Variants in LYRM9 observed in about 807,000 individuals in gnomAD.
LYRM9 encodes the protein LYR motif containing 9, also known as LYR motif-containing protein 9.
LYRM9 carries 14 observed loss-of-function variants against 12.6 expected under a neutral mutation model. The observed-to-expected ratio is 1.11, with a 90% CI of 0.73 to 1.73. The LOEUF (loss-of-function observed/expected upper bound fraction) is 1.73. LYRM9 is among the 40% of genes most tolerant of loss of function. The pLI, the probability that LYRM9 is intolerant of heterozygous loss-of-function variation, is 0.00. For synonymous variants in LYRM9, 42 were observed against 35.1 expected, an observed-to-expected ratio of 1.20 and a Z score of -0.69; for missense variants, 94 against 95.0, an observed-to-expected ratio of 0.99 and a Z score of 0.04.
Position 27,893,343 on chromosome 17 carries a change from GA to G in LYRM9, c.-46del, listed in dbSNP as rs1482387386. 6.6e-6 allele frequency: 1 copy of G among 152,092 alleles called. No homozygotes were observed. The highest frequency in any genetic ancestry group is 1.5e-5 in the Non-Finnish European group (1 of 67,968). 9.4% of individuals were successfully genotyped at this position (152,092 alleles called of 1,614,324 possible). ...AGCCTCCAGGGGAACGCCAGCCCCG[GA>G]CGCCGCCGCGGCGACGAGTGCGCCT... is the stretch of plus-strand genomic sequence containing the variant. On this transcript the variant is annotated 5_prime_UTR_variant, in exon 1 of 4. Transcript: ENST00000379102.
chr17:27,887,445 G>A (rs961246885), intron 1 of LYRM9, among the ~76,000 whole-genome samples: 1 of 152,308 alleles, frequency 6.6e-6, no homozygotes, highest in African/African-American at 2.4e-5. Flanking sequence ...GTCCTGAAGT[G>A]TGGAAAGCAC....
intron 3 of LYRM9, 129 bp from the exon 4 acceptor site, chr17:27,879,619 C>T (rs1444628280): frequency 3.0e-6 from 3 of 998,894 alleles, no homozygotes; most frequent in Non-Finnish European, 4.4e-6. Flanking sequence ...GGTGGTGAAA[C>T]CCAAGCAGGA....
chr17:27,888,764 A>G (rs1905320927), intron 1 of LYRM9, among the ~76,000 whole-genome samples: 1 of 152,170 alleles, frequency 6.6e-6, no homozygotes, highest in Non-Finnish European at 1.5e-5. Context: ...CTTTAAAAAC[A>G]CACCTGGCAG....
intron 1 of LYRM9, among the ~76,000 whole-genome samples, chr17:27,888,826 C>A (rs1256756295): frequency 1.3e-5 from 2 of 152,180 alleles, no homozygotes; most frequent in East Asian, 3.9e-4. Context: ...AGGAAACTCA[C>A]AAGTCCCCCA....
At chr17:27,882,834 TC>T (rs1343733660) in intron 1 of LYRM9, 122 bp from the exon 2 acceptor site, 1 of 1,105,308 alleles carries the variant, frequency 9.0e-7, no homozygotes, top group East Asian at 2.6e-5. Context: ...TCCTGTCCCA[TC>T]CCATGGAGCC....
At chr17:27,889,866 C>T (rs1220236386) in intron 1 of LYRM9, among the ~76,000 whole-genome samples, 3 of 152,138 alleles carry the variant, frequency 2.0e-5, no homozygotes, top group Non-Finnish European at 4.4e-5. Context: ...GCCCTAGGAC[C>T]ACAGAGATGA....
rs533487524 is a variant in LYRM9 at position 27,880,359 on chromosome 17, C to T, written c.134G>A (p.Arg45Gln). 46 of 1,602,856 alleles carry T rather than the reference C, an allele frequency of 2.9e-5. No individual in the cohort carries two copies. In the Admixed American group the frequency reaches 6.3e-4, roughly 22 times the overall value. Residue 45 changes from arginine to glutamine, a missense_variant, in exon 3 of 4, where the codon CGG becomes CAG. Coordinates refer to ENST00000379102, the MANE Select transcript of LYRM9 (RefSeq NM_001076680.3). ...HYKHAVRQSFRVHSDEDNPER... is the reference protein window; with the variant it reads ...HYKHAVRQSFQVHSDEDNPER... ...AGGGTTGTCTTCATCTGAATGAACCCGAAAACTCTGCAAGTTTAAGCATAA... is the reference window on the plus strand; with the variant it reads ...AGGGTTGTCTTCATCTGAATGAACCTGAAAACTCTGCAAGTTTAAGCATAA...
chr17:27,879,748 G>T (rs978390015), intron 3 of LYRM9: 12 of 539,870 alleles, frequency 2.2e-5, no homozygotes, highest in Non-Finnish European at 2.9e-5. Flanking sequence ...GAGTGAGTTA[G>T]AAGGACAGGG....
chr17:27,885,456 A>G (rs1248465437), intron 1 of LYRM9, among the ~76,000 whole-genome samples: 1 of 152,150 alleles, frequency 6.6e-6, no homozygotes, highest in Non-Finnish European at 1.5e-5. Flanking sequence ...CACGCCTGTA[A>G]TCCCAGCACT....
intron 1 of LYRM9, among the ~76,000 whole-genome samples, chr17:27,885,266 C>A (rs893822672): frequency 6.6e-6 from 1 of 152,166 alleles, no homozygotes; most frequent in Non-Finnish European, 1.5e-5. Context: ...GCAGAAGTGG[C>A]GTGAAAGGAC....
intron 1 of LYRM9, 63 bp from the exon 2 acceptor site, chr17:27,882,775 C>G: frequency 6.8e-7 from 1 of 1,476,094 alleles, no homozygotes. Context: ...GCCCTGACCC[C>G]CAGTTCCCAG....
Position 27,882,493 on chromosome 17 carries a change from T to C in LYRM9, c.126+76A>G, listed in dbSNP as rs1480688489. The C allele has an allele frequency of 2.1e-6, 3 of 1,449,550 alleles. No homozygotes were observed. The East Asian group carries it at 7.5e-5, about 36-fold the overall frequency. The allele number at this position is 1,449,550 out of a possible 1,614,324, so 89.8% of individuals were successfully genotyped here. On this transcript the variant is annotated intron_variant, in intron 2 of 3. Coordinates refer to ENST00000379102, the MANE Select transcript of LYRM9 (RefSeq NM_001076680.3). ...CATCTCAGAGACTAGCTCTGTGCCC[T>C]GGCCTTGGCCTCTGACCTGCGCCCC...
chr17:27,889,214 G>A (rs1407245670), intron 1 of LYRM9, among the ~76,000 whole-genome samples: 43 of 152,168 alleles, frequency 2.8e-4, no homozygotes, highest in Admixed American at 2.8e-3. Context: ...GGAATTCAAG[G>A]AATGCAGCTC....
At chr17:27,892,998 A>G (rs1302908292) in intron 1 of LYRM9, 1 of 152,230 alleles carries the variant, frequency 6.6e-6, no homozygotes, top group Non-Finnish European at 1.5e-5. Context: ...CAGGCCCGTG[A>G]GCCTCTGAGA....
chr17:27,887,723 T>TGA (rs1905282235), intron 1 of LYRM9, among the ~76,000 whole-genome samples: 1 of 122,160 alleles, frequency 8.2e-6, no homozygotes, highest in Admixed American at 7.7e-5. Context: ...GGTGTGTGTG[T>TGA]GTGTGTGTGT....
At chr17:27,889,766 A>T (rs1170063390) in intron 1 of LYRM9, among the ~76,000 whole-genome samples, 3 of 152,180 alleles carry the variant, frequency 2.0e-5, no homozygotes, top group Admixed American at 1.3e-4. Flanking sequence ...GTAAAGACAA[A>T]GAGAAAGACA....
chr17:27,882,808 G>T, intron 1 of LYRM9, 96 bp from the exon 2 acceptor site: 2 of 1,334,758 alleles, frequency 1.5e-6, no homozygotes, highest in Non-Finnish European at 2.0e-6. Context: ...CAAGCTTGGT[G>T]CAGTGCAGAG....
At chr17:27,881,374 C>T (rs1905049939) in intron 2 of LYRM9, 1 of 152,070 alleles carries the variant, frequency 6.6e-6, no homozygotes, top group Non-Finnish European at 1.5e-5. Context: ...CCTTGACTCC[C>T]CCAGACAGCT....
In LYRM9 at chr17:27,883,835, T is replaced by TAAAAAAAAAAAAA. The variant is rs781375467; in HGVS notation, c.-18-1136_-18-1124dup. Reference sequence around the variant, plus strand: ...GCAGTCTGGCTCCAGAGCCTTTTTCTAAAAAAAAAAAAAAAAAAAAAAAAA... The same window carrying TAAAAAAAAAAAAA: ...GCAGTCTGGCTCCAGAGCCTTTTTCTAAAAAAAAAAAAAAAAAAAAAAAAAAAAAAAAAAAAAA... On this transcript the variant is annotated intron_variant, in intron 1 of 3. Transcript: ENST00000379102. Among the ~76,000 whole-genome samples the TAAAAAAAAAAAAA allele has an allele frequency of 4.5e-4, 11 of 24,574 alleles. 2 individuals are homozygous for TAAAAAAAAAAAAA. Among genetic ancestry groups the TAAAAAAAAAAAAA allele is most frequent in the African/African-American group, 1.4e-3 (11 of 8,064 alleles). 16.1% of individuals were successfully genotyped at this position (24,574 alleles called of 152,430 possible). A position where few individuals can be genotyped will look rare whatever the true frequency, so the allele number is the denominator to read the frequency against.
Sources: allele counts gnomAD v4.1 joint callset (sites outside exome capture counted in the v4.1 genomes callset), GRCh38; gene constraint gnomAD v4.1.1; transcripts MANE v1.5; gene names NCBI Gene and HGNC (gene_info 2026-07-23, HGNC 2026-07-21).